Variants in NPAS3 observed in about 807,000 individuals in gnomAD.
NPAS3 encodes neuronal PAS domain protein 3.
NPAS3 carries 14 observed loss-of-function variants against 73.1 expected under a neutral mutation model. The ratio of observed to expected loss-of-function variants is 0.19; its 90% confidence interval spans 0.13 to 0.30. The LOEUF (loss-of-function observed/expected upper bound fraction) is 0.30, where lower values mean the gene tolerates loss of function less well. Ranked by LOEUF, NPAS3 falls within the 10% of genes least tolerant of loss-of-function variation. The probability of loss-of-function intolerance (pLI) is 1.00; values close to 1 mark genes in which losing one functional copy is unlikely to be tolerated. For synonymous variants in NPAS3, 620 were observed against 541.5 expected (o/e 1.14, Z -2.01); for missense variants, 1,096 against 1,250.0 (o/e 0.88, Z 1.86).
At chr14:33,698,042 G>A (rs1233829574) in intron 6 of NPAS3, among the ~76,000 whole-genome samples, 1 of 152,188 alleles carries the variant, frequency 6.6e-6, no homozygotes, top group Non-Finnish European at 1.5e-5. Flanking sequence ...TGCAGCTCAT[G>A]CATCCGATGG....
intron 4 of NPAS3, among the ~76,000 whole-genome samples, chr14:33,480,356 T>C (rs991279946): frequency 6.6e-6 from 1 of 152,192 alleles, no homozygotes; most frequent in African/African-American, 2.4e-5. Context: ...GATTCAGTCA[T>C]GCGCTGCTAT....
At chr14:33,421,732 T>C (rs753501536) in intron 4 of NPAS3, among the ~76,000 whole-genome samples, 2 of 151,934 alleles carry the variant, frequency 1.3e-5, no homozygotes, top group Non-Finnish European at 2.9e-5. Flanking sequence ...ACAAGTTGTA[T>C]TGAACTTACT....
Position 33,800,598 on chromosome 14 carries a change from G to T in NPAS3, c.2291G>T (p.Gly764Val). 7.8e-7 allele frequency: 1 copy of T among 1,288,156 alleles called. No individual in the cohort carries two copies. Among genetic ancestry groups the T allele is most frequent in the Non-Finnish European group, 9.8e-7 (1 of 1,023,120 alleles). 79.8% of individuals were successfully genotyped at this position (1,288,156 alleles called of 1,614,324 possible). The change falls in exon 12 of 12, where the codon GGC (glycine) becomes GTC (valine). Residue 764 changes from glycine (G) to valine (V), a missense_variant. By Grantham distance (109) the Gly-to-Val change is moderately radical. Transcript: ENST00000356141. The surrounding 1 kb of genome is among the most constrained non-coding windows in gnomAD (Gnocchi z 6.5). ...CGGGACAAGCACCCCGGGAACGGCG[G>T]CGGGGGCGGGGGCGGGGGCGGCGGC... is the stretch of plus-strand genomic sequence containing the variant.
intron 5 of NPAS3, among the ~76,000 whole-genome samples, chr14:33,622,082 CTG>C (rs773520776): frequency 1.3e-5 from 2 of 152,188 alleles, no homozygotes; most frequent in Non-Finnish European, 2.9e-5. Context: ...AAGTGGCAAT[CTG>C]TCTGCTTCAC....
intron 4 of NPAS3, among the ~76,000 whole-genome samples, chr14:33,400,479 G>A (rs553960175): frequency 6.4e-4 from 98 of 152,236 alleles, no homozygotes; most frequent in African/African-American, 2.1e-3. Flanking sequence ...AATTCTCACA[G>A]CATTAACTAA....
At chr14:33,597,236 A>G (rs1045305849) in intron 5 of NPAS3, among the ~76,000 whole-genome samples, 13 of 152,232 alleles carry the variant, frequency 8.5e-5, no homozygotes, top group African/African-American at 3.1e-4. Flanking sequence ...AGCTACTTTC[A>G]CAGCCGTGAG....
At chr14:33,043,742 A>G (rs542178670) in intron 1 of NPAS3, among the ~76,000 whole-genome samples, 1 of 152,292 alleles carries the variant, frequency 6.6e-6, no homozygotes, top group African/African-American at 2.4e-5. Flanking sequence ...ACTAATTTTA[A>G]AGGCCCAATT....
In NPAS3 at chr14:33,505,320, A is replaced by C. The variant is rs182202486; in HGVS notation, c.469-54801A>C. Among the ~76,000 whole-genome samples, 493 of 151,828 alleles carry C rather than the reference A, an allele frequency of 3.2e-3. 4 individuals are homozygous for C. The highest frequency in any genetic ancestry group is 5.6e-3 in the Non-Finnish European group (382 of 67,942). On this transcript the variant is annotated intron_variant, in intron 4 of 11. Coordinates refer to ENST00000356141, the Ensembl canonical transcript of NPAS3. ...TGGCAGTTGAATTTTTAATGGAAGA[A>C]AGTGGAGAAAAGTTGTACACTCTCT...
chr14:33,783,238 G>GA (rs1168367871), intron 9 of NPAS3, among the ~76,000 whole-genome samples: 1 of 152,192 alleles, frequency 6.6e-6, no homozygotes, highest in Non-Finnish European at 1.5e-5. Context: ...GAAGGAAAGA[G>GA]AAAAGGTGGA....
At chr14:33,574,795 T>A (rs1012373044) in intron 5 of NPAS3, among the ~76,000 whole-genome samples, 1 of 152,060 alleles carries the variant, frequency 6.6e-6, no homozygotes, top group African/African-American at 2.4e-5. Flanking sequence ...ATAAGTAGGG[T>A]TATCTCTTCC....
chr14:33,263,296 A>G (rs1388752407), intron 3 of NPAS3, among the ~76,000 whole-genome samples: 2 of 152,162 alleles, frequency 1.3e-5, no homozygotes, highest in Non-Finnish European at 2.9e-5. Context: ...TAATTTTTGT[A>G]TAAGGTGTAA....
At chr14:33,009,908 C>T (rs1447396260) in intron 1 of NPAS3, among the ~76,000 whole-genome samples, 1 of 152,140 alleles carries the variant, frequency 6.6e-6, no homozygotes, top group African/African-American at 2.4e-5. Flanking sequence ...AACCCCTTGC[C>T]TCATTTTCCT....
At chr14:33,214,291 GC>G (rs1166242994) in intron 2 of NPAS3, 1 of 152,100 alleles carries the variant, frequency 6.6e-6, no homozygotes, top group African/African-American at 2.4e-5. Context: ...GCCAGATTCT[GC>G]CCTCAGCAAT....
intron 4 of NPAS3, among the ~76,000 whole-genome samples, chr14:33,438,004 G>A (rs1310838321): frequency 6.6e-6 from 1 of 152,170 alleles, no homozygotes; most frequent in Non-Finnish European, 1.5e-5. Context: ...TAATGAAGAT[G>A]TAAAGGGGAA....
Position 33,051,280 on chromosome 14 carries a change from C to CAAAAA in NPAS3, c.51-4612_51-4608dup, listed in dbSNP as rs1236766783. ...TGGGCAACAGAGCGAGACTCCGTCT[C>CAAAAA]AAAAAAAAAAAAAAAAAGAGAGACT... On this transcript the variant is annotated intron_variant, in intron 1 of 11. Coordinates refer to ENST00000356141, the Ensembl canonical transcript of NPAS3. Among the ~76,000 whole-genome samples the CAAAAA allele has an allele frequency of 3.9e-4, 25 of 64,250 alleles. 1 individual carries two copies. Among genetic ancestry groups the CAAAAA allele is most frequent in the Admixed American group, 1.8e-3 (11 of 5,974 alleles). 42.2% of individuals were successfully genotyped at this position (64,250 alleles called of 152,430 possible).
intron 4 of NPAS3, among the ~76,000 whole-genome samples, chr14:33,401,637 A>G (rs1160360724): frequency 2.6e-5 from 4 of 152,234 alleles, no homozygotes; most frequent in South Asian, 2.1e-4. Flanking sequence ...TTAAAGGTTA[A>G]TTGAAATAAT....
At chr14:33,192,707 T>C (rs888632161) in intron 2 of NPAS3, among the ~76,000 whole-genome samples, 2 of 152,246 alleles carry the variant, frequency 1.3e-5, no homozygotes, top group African/African-American at 2.4e-5. Flanking sequence ...AACTTCAAAT[T>C]GTGTTCTAGT....
chr14:33,738,243 C>T (rs536300341), intron 7 of NPAS3, among the ~76,000 whole-genome samples: 1 of 152,280 alleles, frequency 6.6e-6, no homozygotes, highest in South Asian at 2.1e-4. Flanking sequence ...CATTTTCATA[C>T]AGCCCTTAAG....
chr14:33,300,020 C>A (rs73256817), intron 3 of NPAS3, among the ~76,000 whole-genome samples: 6,059 of 152,222 alleles, frequency 0.04, 344 homozygotes, highest in East Asian at 0.18. Context: ...AGATTTGCCA[C>A]TATTTCAGGA....
Sources: gnomAD v4.1 joint callset for allele counts (sites outside exome capture counted in the v4.1 genomes callset) on GRCh38, gnomAD v4.1.1 for gene constraint, Gnocchi (gnomAD v3.1) non-coding constraint, MANE v1.5 for transcripts, NCBI Gene and HGNC (gene_info 2026-07-23, HGNC 2026-07-21) for gene names.